ALOX5: variants seen among roughly 807,000 people sequenced by gnomAD.
ALOX5 encodes the protein polyunsaturated fatty acid 5-lipoxygenase.
In ALOX5, 64 loss-of-function variants were observed where a neutral mutation model predicts 87.9. The observed-to-expected ratio is 0.73, with a 90% confidence interval of 0.60 to 0.90. The LOEUF (loss-of-function observed/expected upper bound fraction) is 0.90. ALOX5 is among the 40% of genes least tolerant of loss of function. ALOX5 has a pLI of 0.00. For synonymous variants in ALOX5, 388 were observed against 355.1 expected (o/e 1.09, Z -1.04); for missense variants, 822 against 907.5 (o/e 0.91, Z 1.21).
At chr10:45,438,068 T>C (rs2132846065) in intron 7 of ALOX5, among the ~76,000 whole-genome samples, 1 of 152,298 alleles carries the variant, frequency 6.6e-6, no homozygotes, top group East Asian at 1.9e-4. Context: ...TTTGGAGGAA[T>C]CTTCAGGGTT....
chr10:45,401,729 A>G (rs971461637), intron 3 of ALOX5, among the ~76,000 whole-genome samples: 2 of 152,162 alleles, frequency 1.3e-5, no homozygotes, highest in Non-Finnish European at 1.5e-5. Flanking sequence ...TGTATGTGAA[A>G]TTTGTATACA....
At chr10:45,420,068 T>G (rs897216718) in intron 4 of ALOX5, among the ~76,000 whole-genome samples, 33 of 152,182 alleles carry the variant, frequency 2.2e-4, no homozygotes, top group Non-Finnish European at 2.9e-5. Flanking sequence ...ACCAAAGCAC[T>G]CATAGGAACC....
intron 2 of ALOX5, among the ~76,000 whole-genome samples, chr10:45,393,124 A>C (rs1193384535): frequency 6.6e-6 from 1 of 152,174 alleles, no homozygotes; most frequent in Non-Finnish European, 1.5e-5. Context: ...TCATCCTGAT[A>C]CCAAAGCCTG....
chr10:45,386,493 C>T (rs1245856952), intron 2 of ALOX5, among the ~76,000 whole-genome samples: 3 of 151,180 alleles, frequency 2.0e-5, no homozygotes, highest in Non-Finnish European at 4.4e-5. Context: ...AAAATAAATA[C>T]AAAATAAAAT....
chr10:45,415,729 T>C (rs1197390722), intron 4 of ALOX5, among the ~76,000 whole-genome samples: 1 of 152,228 alleles, frequency 6.6e-6, no homozygotes, highest in Non-Finnish European at 1.5e-5. Flanking sequence ...GTCACGTTAC[T>C]GAATCCACAT....
chr10:45,407,098 C>T (rs545021617), intron 3 of ALOX5, among the ~76,000 whole-genome samples: 2 of 152,070 alleles, frequency 1.3e-5, no homozygotes, highest in Admixed American at 6.6e-5. Context: ...CGTCCTGTCC[C>T]CCTACCCATC....
At chr10:45,412,077 T>C in intron 3 of ALOX5, 114 bp from the exon 4 acceptor site, 1 of 1,466,040 alleles carries the variant, frequency 6.8e-7, no homozygotes, top group South Asian at 1.3e-5. Context: ...GACTTTATTT[T>C]GAGTACATCA....
rs146971256 is a variant in ALOX5 at position 45,438,156 on chromosome 10, T to C, written c.982-2274T>C. On this transcript the variant is annotated intron_variant, in intron 7 of 13. Transcript: ENST00000374391. ...TTTTTTTTTTTTCATTTGGATCCCTTTTATTTCTTTCTCTTGCCTAATTGC... is the reference window on the plus strand; with the variant it reads ...TTTTTTTTTTTTCATTTGGATCCCTCTTATTTCTTTCTCTTGCCTAATTGC... 4.6e-5 allele frequency among the ~76,000 whole-genome samples: 7 copies of C among 152,222 alleles called. No homozygotes were observed. In the South Asian group the frequency reaches 6.2e-4, roughly 14 times the overall value.
At chr10:45,393,912 C>A (rs952866458) in intron 2 of ALOX5, among the ~76,000 whole-genome samples, 5 of 152,176 alleles carry the variant, frequency 3.3e-5, no homozygotes, top group African/African-American at 1.2e-4. Context: ...TGTGAAGGAC[C>A]TCTTCAAGGA....
chr10:45,392,019 G>T (rs530460492), intron 2 of ALOX5, among the ~76,000 whole-genome samples: 2 of 151,254 alleles, frequency 1.3e-5, no homozygotes, highest in Admixed American at 6.6e-5. Flanking sequence ...CCGGCCAGCC[G>T]CCCCGTCCGG....
chr10:45,444,419 C>A, intron 13 of ALOX5, 133 bp downstream of exon 13: 1 of 1,275,650 alleles, frequency 7.8e-7, no homozygotes, highest in Non-Finnish European at 1.0e-6. Context: ...GCTGGAAGGG[C>A]CCAGAAGGCT....
intron 4 of ALOX5, among the ~76,000 whole-genome samples, chr10:45,421,597 G>A (rs1841510828): frequency 6.6e-6 from 1 of 152,220 alleles, no homozygotes; most frequent in Admixed American, 6.5e-5. Flanking sequence ...GGGGTGCTGG[G>A]GGAGGAAGGA....
chr10:45,388,432 GCACC>G (rs1840078290), intron 2 of ALOX5, among the ~76,000 whole-genome samples: 1 of 152,182 alleles, frequency 6.6e-6, no homozygotes, highest in Non-Finnish European at 1.5e-5. Flanking sequence ...TAACTGGGAG[GCACC>G]CTCCAGTAGG....
intron 3 of ALOX5, among the ~76,000 whole-genome samples, chr10:45,404,749 C>G (rs543214178): frequency 6.6e-6 from 1 of 152,236 alleles, no homozygotes; most frequent in South Asian, 2.1e-4. Flanking sequence ...TCTCACACAT[C>G]TCTCTGTGCT....
At position 45,445,692 on chromosome 10, in the gene ALOX5, A is replaced by C; in HGVS notation, c.*5A>C. Reference sequence around the variant, plus strand: ...CCGAACAGTGTGGCCATCTGAGCACACTGCCAGTCTCACTGTGGGAAGGCC... The same window carrying C: ...CCGAACAGTGTGGCCATCTGAGCACCCTGCCAGTCTCACTGTGGGAAGGCC... On this transcript the variant is annotated 3_prime_UTR_variant, in exon 14 of 14. Transcript: ENST00000374391. The C allele has an allele frequency of 6.2e-7, 1 of 1,601,632 alleles. No homozygotes were observed. The highest frequency in any genetic ancestry group is 1.1e-5 in the South Asian group (1 of 90,760).
chr10:45,435,301 A>G (rs1313989346), intron 7 of ALOX5, among the ~76,000 whole-genome samples: 1 of 151,730 alleles, frequency 6.6e-6, no homozygotes. Context: ...AGATTCAGGT[A>G]CATGTGCAGG....
At chr10:45,387,860 A>G (rs1240311010) in intron 2 of ALOX5, among the ~76,000 whole-genome samples, 1 of 152,252 alleles carries the variant, frequency 6.6e-6, no homozygotes, top group Non-Finnish European at 1.5e-5. Context: ...TCCAGTCTAC[A>G]GCTCCCAACA....
chr10:45,392,818 T>C lies in ALOX5; in HGVS notation c.350-3037T>C, dbSNP rs530709089. The stretch of plus-strand genomic sequence containing the variant: ...TACAAACTACCATCAGAGAATACTA[T>C]AAACAACTCTAAGCAAATTAACTAG... On this transcript the variant is annotated intron_variant, in intron 2 of 13. Coordinates refer to ENST00000374391, the MANE Select transcript of ALOX5 (RefSeq NM_000698.5). Among the ~76,000 whole-genome samples, 222 of 151,936 alleles carry C rather than the reference T, an allele frequency of 1.5e-3. 1 individual carries two copies. Among genetic ancestry groups the C allele is most frequent in the Middle Eastern group, 0.014 (4 of 292 alleles).
chr10:45,424,436 A>G (rs1351965872), intron 5 of ALOX5, among the ~76,000 whole-genome samples: 3 of 152,330 alleles, frequency 2.0e-5, no homozygotes, highest in Admixed American at 2.0e-4. Context: ...CTTGGCACAA[A>G]TCAATCATTT....
Sources: gnomAD v4.1 joint callset for allele counts (sites outside exome capture counted in the v4.1 genomes callset) on GRCh38, gnomAD v4.1.1 for gene constraint, MANE v1.5 for transcripts, NCBI Gene and HGNC (gene_info 2026-07-23, HGNC 2026-07-21) for gene names.